Variants in ZNF546 observed in about 807,000 individuals in gnomAD.
ZNF546 encodes the protein CTC-471F3.6.
In ZNF546, 60 loss-of-function variants were observed where a neutral mutation model predicts 76.2. The ratio of observed to expected loss-of-function variants is 0.79; its 90% CI spans 0.64 to 0.98. The LOEUF is 0.98. Ranked by LOEUF, ZNF546 falls within the 50% of genes least tolerant of loss-of-function variation. The pLI, the probability that ZNF546 is intolerant of heterozygous loss-of-function variation, is 0.00. For missense variants in ZNF546, 936 were observed against 1,035.6 expected, an observed-to-expected ratio of 0.90 and a Z score of 1.32; for synonymous variants, 277 against 328.1, an observed-to-expected ratio of 0.84 and a Z score of 1.68.
chr19:40,006,064 C>T (rs1971598082), intron 3 of ZNF546, 32 bp from the exon 4 acceptor site: 6 of 1,583,954 alleles, frequency 3.8e-6, no homozygotes, highest in Middle Eastern at 1.7e-4. Flanking sequence ...TGACACACAT[C>T]TGGTCTCAGA....
chr19:39,998,365 C>CT lies in ZNF546; in HGVS notation c.42dup (p.Leu15SerfsTer39). 1 of 1,614,148 alleles carries CT rather than the reference C, an allele frequency of 6.2e-7. No homozygotes were observed. Among genetic ancestry groups the CT allele is most frequent in the Non-Finnish European group, 8.5e-7 (1 of 1,180,026 alleles). The stretch of plus-strand genomic sequence containing the variant: ...CTCCTCTTCACGGGCCTCCAAATGA[C>CT]TTTCTCATTTTTCAAATCATTCCTC... On this transcript the variant is annotated frameshift_variant, in exon 3 of 7. Transcript: ENST00000347077. LOFTEE classifies it high-confidence loss of function.
intron 6 of ZNF546, among the ~76,000 whole-genome samples, chr19:40,012,242 A>G (rs1270922350): frequency 6.6e-6 from 1 of 152,228 alleles, no homozygotes; most frequent in African/African-American, 2.4e-5. Flanking sequence ...GGAGATGCCT[A>G]ATGTTCAAGG....
In ZNF546 at chr19:40,018,066, C is replaced by T. The variant is rs187691540; in HGVS notation, c.*2285C>T. Reference sequence around the variant, plus strand: ...TTGGCTCACTGCAAGCTCCGCCTCCCGGGTTCAGGCAATTCTGCCTCAGCC... The same window carrying T: ...TTGGCTCACTGCAAGCTCCGCCTCCTGGGTTCAGGCAATTCTGCCTCAGCC... On this transcript the variant is annotated 3_prime_UTR_variant, in exon 7 of 7. Transcript: ENST00000347077. 2,321 of 150,462 alleles carry T rather than the reference C, an allele frequency of 0.015. 171 individuals carry two copies. Among genetic ancestry groups the T allele is most frequent in the Admixed American group, 0.13 (1,918 of 15,034 alleles). The allele number at this position is 150,462 out of a possible 1,614,324, so 9.3% of individuals were successfully genotyped here. A position where few individuals can be genotyped will look rare whatever the true frequency, so the allele number is the denominator to read the frequency against.
chr19:40,007,421 G>A lies in ZNF546; in HGVS notation c.298+21G>A, dbSNP rs60037732. On this transcript the variant is annotated intron_variant, in intron 5 of 6. Coordinates refer to ENST00000347077, the MANE Select transcript of ZNF546 (RefSeq NM_178544.5). Reference sequence around the variant, plus strand: ...ACTGGGTAAGGTATCTTTCGAAATCGTTTACAATCTGTTTTCTGGAGTATC... The same window carrying A: ...ACTGGGTAAGGTATCTTTCGAAATCATTTACAATCTGTTTTCTGGAGTATC... 9.8e-3 allele frequency: 15,335 copies of A among 1,567,812 alleles called. 198 individuals are homozygous for A. The highest frequency in any genetic ancestry group is 0.053 in the African/African-American group (3,837 of 73,010).
In ZNF546 at chr19:40,019,272, T is replaced by A. The variant is rs1971822450; in HGVS notation, c.*3491T>A. ...ATATTGAGGGCCAGCACTTTGTTTCTCCTGCTCACCACTCTACTCCCAGTG... is the reference window on the plus strand; with the variant it reads ...ATATTGAGGGCCAGCACTTTGTTTCACCTGCTCACCACTCTACTCCCAGTG... On this transcript the variant is annotated 3_prime_UTR_variant, in exon 7 of 7. Coordinates refer to ENST00000347077, the MANE Select transcript of ZNF546 (RefSeq NM_178544.5). The A allele has an allele frequency of 6.6e-6, 1 of 152,236 alleles. No individual in the cohort carries two copies. The highest frequency in any genetic ancestry group is 2.1e-4 in the South Asian group (1 of 4,836). The allele number at this position is 152,236 out of a possible 1,614,324, so 9.4% of individuals were successfully genotyped here.
rs951177240 is a variant in ZNF546 at position 40,017,152 on chromosome 19, T to C, written c.*1371T>C. On this transcript the variant is annotated 3_prime_UTR_variant, in exon 7 of 7. Transcript: ENST00000347077. The stretch of plus-strand genomic sequence containing the variant: ...TGGAGATAATATCCAGTAAAATAGA[T>C]TAAACTTCCATTTATAAAGTCAGAA... The C allele has an allele frequency of 6.6e-6, 1 of 152,208 alleles. No homozygotes were observed. The highest frequency in any genetic ancestry group is 2.4e-5 in the African/African-American group (1 of 41,456). 9.4% of individuals were successfully genotyped at this position (152,208 alleles called of 1,614,324 possible).
Position 40,015,401 on chromosome 19 carries a change from C to T in ZNF546, c.2131C>T (p.His711Tyr). The T allele has an allele frequency of 6.2e-7, 1 of 1,614,216 alleles. No individual in the cohort carries two copies. The highest frequency in any genetic ancestry group is 8.5e-7 in the Non-Finnish European group (1 of 1,180,044). Residue 711 changes from histidine (H) to tyrosine (Y), a missense_variant, in exon 7 of 7, where the codon CAT (histidine) becomes TAT (tyrosine). By Grantham distance (83) the His-to-Tyr change is moderately conservative (BLOSUM62 2). Transcript: ENST00000347077. ...TATTTGCAGTTATCGACTTACATTACATCAAAGAATTCACACTGGTGAGCT... is the reference window on the plus strand; with the variant it reads ...TATTTGCAGTTATCGACTTACATTATATCAAAGAATTCACACTGGTGAGCT... Reference protein sequence around the residue: ...AFICSYRLTLHQRIHTGELPY... With the variant: ...AFICSYRLTLYQRIHTGELPY...
Position 40,014,939 on chromosome 19 carries a change from G to C in ZNF546, c.1669G>C (p.Glu557Gln). The C allele has an allele frequency of 6.2e-7, 1 of 1,614,158 alleles. No individual in the cohort carries two copies. Among genetic ancestry groups the C allele is most frequent in the South Asian group, 1.1e-5 (1 of 91,084 alleles). Residue 557 changes from glutamate (E) to glutamine (Q), a missense_variant, in exon 7 of 7, where the codon GAA (glutamate) becomes CAA (glutamine). Glu to Gln is a conservative substitution (Grantham distance 29). Transcript: ENST00000347077. ...ATGTGAGAAACCCTATGAATGTAAG[G>C]AATGTGGGAAGGCTTTTATTCATAG... ...HTCEKPYECK[E>Q]CGKAFIHSNQ...
rs1196913999 is a variant in ZNF546, at chr19:40,018,012, C to T, written c.*2231C>T. The T allele has an allele frequency of 3.6e-5, 4 of 112,256 alleles. No individual in the cohort carries two copies. Among genetic ancestry groups the T allele is most frequent in the East Asian group, 2.8e-4 (1 of 3,530 alleles). The allele number at this position is 112,256 out of a possible 1,614,324, so 7.0% of individuals were successfully genotyped here. A position where few individuals can be genotyped will look rare whatever the true frequency, so the allele number is the denominator to read the frequency against. On this transcript the variant is annotated 3_prime_UTR_variant, in exon 7 of 7. Coordinates refer to ENST00000347077, the MANE Select transcript of ZNF546 (RefSeq NM_178544.5). ...TTTTTTTTTGAGATGGAGTCTCTGT[C>T]GCCCAGGCTGGAGTGCAGTGGTGCG... is the stretch of plus-strand genomic sequence containing the variant.
At chr19:40,010,871 TG>T (rs1227876378) in intron 6 of ZNF546, among the ~76,000 whole-genome samples, 1 of 151,798 alleles carries the variant, frequency 6.6e-6, no homozygotes, top group Non-Finnish European at 1.5e-5. Context: ...TTAGTAGAGA[TG>T]GGGTTTCACC....
At chr19:40,010,773 C>G (rs1971660961) in intron 6 of ZNF546, among the ~76,000 whole-genome samples, 1 of 152,128 alleles carries the variant, frequency 6.6e-6, no homozygotes, top group African/African-American at 2.4e-5. Flanking sequence ...ACCTCCGCCT[C>G]CTGGGTACAA....
chr19:40,011,882 G>A (rs1971675756), intron 6 of ZNF546, among the ~76,000 whole-genome samples: 1 of 152,144 alleles, frequency 6.6e-6, no homozygotes, highest in South Asian at 2.1e-4. Context: ...GCTCTTATAA[G>A]TACACCTGTT....
chr19:40,019,994 C>A lies in ZNF546; in HGVS notation c.*4213C>A, dbSNP rs1211067142. ...ATATTTGAAATCAAGGTGTATCTTA[C>A]AATTTATGGCATCTGACAATACTTC... On this transcript the variant is annotated 3_prime_UTR_variant, in exon 7 of 7. Transcript: ENST00000347077. 6.6e-6 allele frequency: 1 copy of A among 152,126 alleles called. No homozygotes were observed. The highest frequency in any genetic ancestry group is 2.4e-5 in the African/African-American group (1 of 41,432). The allele number at this position is 152,126 out of a possible 1,614,324, so 9.4% of individuals were successfully genotyped here.
Position 40,020,003 on chromosome 19 carries a change from G to A in ZNF546, c.*4222G>A, listed in dbSNP as rs932707320. The A allele has an allele frequency of 6.6e-6, 1 of 152,050 alleles. No individual in the cohort carries two copies. The highest frequency in any genetic ancestry group is 6.6e-5 in the Admixed American group (1 of 15,262). 9.4% of individuals were successfully genotyped at this position (152,050 alleles called of 1,614,324 possible). A position where few individuals can be genotyped will look rare whatever the true frequency, so the allele number is the denominator to read the frequency against. ...ATCAAGGTGTATCTTACAATTTATG[G>A]CATCTGACAATACTTCCAACCAGGT... On this transcript the variant is annotated 3_prime_UTR_variant, in exon 7 of 7. Coordinates refer to ENST00000347077, the MANE Select transcript of ZNF546 (RefSeq NM_178544.5).
At chr19:40,009,183 A>C (rs1971641592) in intron 6 of ZNF546, among the ~76,000 whole-genome samples, 1 of 152,220 alleles carries the variant, frequency 6.6e-6, no homozygotes, top group South Asian at 2.1e-4. Flanking sequence ...ACATAAAGTA[A>C]GGTCTCAGGC....
At chr19:40,012,657 A>G (rs1405824059) in intron 6 of ZNF546, among the ~76,000 whole-genome samples, 3 of 152,166 alleles carry the variant, frequency 2.0e-5, no homozygotes, top group Non-Finnish European at 2.9e-5. Context: ...TTTGATGAAA[A>G]AGATTTTAAA....
In ZNF546 at chr19:39,998,366, T is replaced by C. The variant is rs1376188671; in HGVS notation, c.40T>C (p.Phe14Leu). The C allele has an allele frequency of 6.2e-7, 1 of 1,614,226 alleles. No homozygotes were observed. Among genetic ancestry groups the C allele is most frequent in the East Asian group, 2.2e-5 (1 of 44,888 alleles). Reference sequence around the variant, plus strand: ...TCCTCTTCACGGGCCTCCAAATGACTTTCTCATTTTTCAAATCATTCCTCT... The same window carrying C: ...TCCTCTTCACGGGCCTCCAAATGACCTTCTCATTTTTCAAATCATTCCTCT... ...DPPLHGPPND[F>L]LIFQIIPLHS... is the part of the protein sequence containing the mutation. Residue 14 changes from phenylalanine to leucine, a missense_variant, in exon 3 of 7, where the codon TTT (phenylalanine) becomes CTT (leucine). Phe to Leu is a conservative substitution (Grantham distance 22). Coordinates refer to ENST00000347077, the MANE Select transcript of ZNF546 (RefSeq NM_178544.5).
rs775355670 is a variant in ZNF546, at chr19:40,014,564, C to T, written c.1294C>T (p.Arg432Cys). ...TTTTCATGCAGAACTTGCTCGACAT[C>T]GTAGAATTCATACTGGTGAGAAACC... is the stretch of plus-strand genomic sequence containing the variant. ...FSFHAELARH[R>C]RIHTGEKPYE... The change falls in exon 7 of 7, where the codon CGT (arginine) becomes TGT (cysteine). Residue 432 changes from arginine (R) to cysteine (C), a missense_variant. Arg to Cys is a radical substitution (Grantham distance 180). Coordinates refer to ENST00000347077, the MANE Select transcript of ZNF546 (RefSeq NM_178544.5). 2.5e-5 allele frequency: 41 copies of T among 1,613,872 alleles called. No homozygotes were observed. The highest frequency in any genetic ancestry group is 2.0e-4 in the South Asian group (18 of 91,094).
In ZNF546 at chr19:40,006,093, C is replaced by G. The variant is rs1481644704; in HGVS notation, c.85-3C>G. 6.2e-7 allele frequency: 1 copy of G among 1,613,794 alleles called. No individual in the cohort carries two copies. The highest frequency in any genetic ancestry group is 1.1e-5 in the South Asian group (1 of 91,024). ...TCTCAGAGTCACTTGTTCTTCCCCC[C>G]AGCCCCGGTTTCTCTGGATTCTGTG... On this transcript the variant is annotated splice_polypyrimidine_tract_variant and splice_region_variant and intron_variant, in intron 3 of 6. Coordinates refer to ENST00000347077, the MANE Select transcript of ZNF546 (RefSeq NM_178544.5).
Sources: allele counts gnomAD v4.1 joint callset (sites outside exome capture counted in the v4.1 genomes callset), GRCh38; gene constraint gnomAD v4.1.1; transcripts MANE v1.5; gene names NCBI Gene and HGNC (gene_info 2026-07-23, HGNC 2026-07-21).